Variants in PCDHA3 observed in about 807,000 individuals in gnomAD.
PCDHA3 encodes protocadherin alpha-3.
PCDHA3 carries 41 observed loss-of-function variants against 62.2 expected under a neutral mutation model. That is an observed-to-expected ratio of 0.66 (90% confidence interval 0.51 to 0.86). The LOEUF is 0.86. Ranked by LOEUF, PCDHA3 falls within the 40% of genes least tolerant of loss-of-function variation. PCDHA3 has a pLI of 0.00. For missense variants in PCDHA3, 1,304 were observed against 1,241.2 expected, an observed-to-expected ratio of 1.05 and a Z score of -0.76; for synonymous variants, 640 against 555.4, an observed-to-expected ratio of 1.15 and a Z score of -2.14.
intron 1 of PCDHA3, chr5:140,823,652 A>G: frequency 6.2e-7 from 1 of 1,613,972 alleles, no homozygotes; most frequent in Non-Finnish European, 8.5e-7. Context: ...GTGGGGCTGT[A>G]CACAGGCGAG....
chr5:140,823,814 G>C (rs782047530), intron 1 of PCDHA3: 4 of 1,613,762 alleles, frequency 2.5e-6, no homozygotes, highest in Non-Finnish European at 3.4e-6. Flanking sequence ...GCCTCATCGC[G>C]GGCGTCGGCG....
chr5:140,877,338 C>G (rs1554169617), intron 1 of PCDHA3: 2 of 1,614,012 alleles, frequency 1.2e-6, no homozygotes, highest in South Asian at 2.2e-5. Flanking sequence ...ACATCCCGTT[C>G]CACGTGGGGC....
At chr5:140,876,337 G>T (rs1554168488) in intron 1 of PCDHA3, 1 of 1,614,016 alleles carries the variant, frequency 6.2e-7, no homozygotes, top group Admixed American at 1.7e-5. Flanking sequence ...GCCAGTGAGT[G>T]AGAAATGTAT....
intron 1 of PCDHA3, chr5:140,812,930 T>G (rs2126642721): frequency 6.6e-6 from 1 of 152,264 alleles, no homozygotes; most frequent in African/African-American, 2.4e-5. Context: ...GTTTAATTTC[T>G]ACATATTTGC....
At chr5:140,941,210 T>C (rs199663607) in intron 1 of PCDHA3, among the ~76,000 whole-genome samples, 3,757 of 100,378 alleles carry the variant, frequency 0.037, 93 homozygotes, top group African/African-American at 0.096. Context: ...TTCCTTTCTT[T>C]CTTCCTTTCT....
chr5:140,870,133 G>A, intron 1 of PCDHA3: 1 of 1,613,974 alleles, frequency 6.2e-7, no homozygotes, highest in African/African-American at 1.3e-5. Context: ...GGACACCAAC[G>A]ATAACTCTCC....
intron 1 of PCDHA3, chr5:140,835,259 G>A (rs1773539388): frequency 1.9e-6 from 3 of 1,607,888 alleles, no homozygotes. Context: ...TAAAATCCAA[G>A]TTCCACATGG....
At chr5:141,009,107 G>A (rs1329490009) in intron 3 of PCDHA3, among the ~76,000 whole-genome samples, 6 of 152,180 alleles carry the variant, frequency 3.9e-5, no homozygotes, top group African/African-American at 1.4e-4. Flanking sequence ...ATGTTACTAT[G>A]AAACTAGATT....
chr5:140,830,347 G>T (rs1771011399), intron 1 of PCDHA3: 1 of 1,613,982 alleles, frequency 6.2e-7, no homozygotes, highest in African/African-American at 1.3e-5. Context: ...CGTACTCGCA[G>T]CAGAGGCGGC....
Position 140,827,982 on chromosome 5 carries a change from G to A in PCDHA3, c.2394+24391G>A, listed in dbSNP as rs1466439579. ...TCTATTACTGCATCATTCCCTGACT[G>A]TTGAATGATGGCGGACGCAGAAGAA... On this transcript the variant is annotated intron_variant, in intron 1 of 3. Coordinates refer to ENST00000522353, the MANE Select transcript of PCDHA3 (RefSeq NM_018906.3). 4.2e-6 allele frequency: 6 copies of A among 1,434,114 alleles called. No individual in the cohort carries two copies. The African/African-American group carries it at 8.6e-5, about 20-fold the overall frequency. The allele number at this position is 1,434,114 out of a possible 1,614,324, so 88.8% of individuals were successfully genotyped here.
At chr5:140,926,703 C>A in intron 1 of PCDHA3, 2 of 835,416 alleles carry the variant, frequency 2.4e-6, no homozygotes, top group Non-Finnish European at 3.4e-6. Context: ...CGGCTCCCAG[C>A]TGGCCAGCCC....
At chr5:140,985,203 T>C (rs1274620928) in intron 3 of PCDHA3, among the ~76,000 whole-genome samples, 1 of 152,092 alleles carries the variant, frequency 6.6e-6, no homozygotes, top group Non-Finnish European at 1.5e-5. Flanking sequence ...TCCCAAAGTG[T>C]TGGGATTACA....
intron 1 of PCDHA3, chr5:140,824,109 T>A: frequency 6.2e-7 from 1 of 1,614,074 alleles, no homozygotes; most frequent in South Asian, 1.1e-5. Flanking sequence ...TTCCTCAGGG[T>A]CCCACCTCTA....
chr5:140,977,364 A>G (rs967972541), intron 1 of PCDHA3, among the ~76,000 whole-genome samples: 2 of 152,206 alleles, frequency 1.3e-5, no homozygotes, highest in African/African-American at 4.8e-5. Flanking sequence ...GATAAAAAGT[A>G]TTTTAGTCAT....
At chr5:140,865,318 CT>C (rs1554159374) in intron 1 of PCDHA3, 1 of 152,042 alleles carries the variant, frequency 6.6e-6, no homozygotes, top group Non-Finnish European at 1.5e-5. Flanking sequence ...ATGAGATGGC[CT>C]TTAATTCTGT....
chr5:140,868,182 A>T (rs565452965), intron 1 of PCDHA3: 1 of 152,260 alleles, frequency 6.6e-6, no homozygotes, highest in African/African-American at 2.4e-5. Context: ...ATCTCATATT[A>T]TGCTACTATG....
chr5:140,834,588 A>G (rs2150222080), intron 1 of PCDHA3: 1 of 1,614,122 alleles, frequency 6.2e-7, no homozygotes, highest in Non-Finnish European at 8.5e-7. Flanking sequence ...GGCGGTGTGC[A>G]AATTCCGTGG....
intron 1 of PCDHA3, chr5:140,823,855 G>T: frequency 6.2e-7 from 1 of 1,613,846 alleles, no homozygotes; most frequent in South Asian, 1.1e-5. Flanking sequence ...TGCCCTGGTG[G>T]ATGTCAACGT....
At position 140,870,603 on chromosome 5, in the gene PCDHA3, C is replaced by T. The variant is rs782250124; in HGVS notation, c.2394+67012C>T. ...CGCTGGTGGAGCGGCGGTTGGGCGACCGCGCGCTGTCGAGCTACGTGTCGG... is the reference window on the plus strand; with the variant it reads ...CGCTGGTGGAGCGGCGGTTGGGCGATCGCGCGCTGTCGAGCTACGTGTCGG... On this transcript the variant is annotated intron_variant, in intron 1 of 3. Coordinates refer to ENST00000522353, the MANE Select transcript of PCDHA3 (RefSeq NM_018906.3). The T allele has an allele frequency of 4.3e-6, 7 of 1,613,340 alleles. No homozygotes were observed. The Admixed American group carries it at 1.2e-4, about 27-fold the overall frequency.
Sources: gnomAD v4.1 joint callset for allele counts (sites outside exome capture counted in the v4.1 genomes callset) on GRCh38, gnomAD v4.1.1 for gene constraint, MANE v1.5 for transcripts, NCBI Gene and HGNC (gene_info 2026-07-23, HGNC 2026-07-21) for gene names.